Variants in KCTD20 observed in about 807,000 individuals in gnomAD.
KCTD20 encodes the protein BTB/POZ domain-containing protein KCTD20.
A neutral mutation model predicts 39.6 loss-of-function variants in KCTD20; 30 were observed. The ratio of observed to expected loss-of-function variants is 0.76; its 90% CI spans 0.57 to 1.03. The LOEUF is 1.03. Among genes scored for constraint, KCTD20 ranks in the 50% least tolerant of loss-of-function variants. KCTD20 has a pLI of 0.00. For missense variants in KCTD20, 422 were observed against 522.0 expected (o/e 0.81, Z 1.87); for synonymous variants, 162 against 180.6 (o/e 0.90, Z 0.83).
At position 36,481,713 on chromosome 6, in the gene KCTD20, C is replaced by T. The variant is rs1776256709; in HGVS notation, c.810C>T (p.Asp270=). The stretch of plus-strand genomic sequence containing the variant: ...TGCTGACGGATGAGGATTCTGTGGA[C>T]TGGGATGAAGACCACCCTCCACCAA... ...IVVLTDEDSV[D]WDEDHPPPMG... Residue 270 remains aspartate (D), a synonymous_variant, in exon 6 of 8, where the codon GAC becomes GAT. Coordinates refer to ENST00000373731, the MANE Select transcript of KCTD20 (RefSeq NM_173562.5). 6.2e-7 allele frequency: 1 copy of T among 1,614,076 alleles called. No homozygotes were observed. The highest frequency in any genetic ancestry group is 8.5e-7 in the Non-Finnish European group (1 of 1,180,048).
intron 1 of KCTD20, among the ~76,000 whole-genome samples, chr6:36,450,162 CTAAAAAAAAAAA>C (rs772731661): frequency 1.1e-4 from 5 of 44,078 alleles, no homozygotes; most frequent in Non-Finnish European, 1.1e-4. Flanking sequence ...AGACTCCGTC[CTAAAAAAAAAAA>C]AAAAAAAAAA....
intron 1 of KCTD20, among the ~76,000 whole-genome samples, chr6:36,463,221 A>C (rs1775650553): frequency 6.6e-6 from 1 of 152,128 alleles, no homozygotes; most frequent in Admixed American, 6.6e-5. Context: ...TCTTGCCTGG[A>C]ATGCCCTTTT....
chr6:36,455,215 C>T (rs1411397197), intron 1 of KCTD20, among the ~76,000 whole-genome samples: 1 of 151,994 alleles, frequency 6.6e-6, no homozygotes, highest in African/African-American at 2.4e-5. Flanking sequence ...TGAGACCAGC[C>T]TGGCCAACAC....
At chr6:36,468,002 G>A (rs990244780) in intron 1 of KCTD20, among the ~76,000 whole-genome samples, 2 of 152,102 alleles carry the variant, frequency 1.3e-5, no homozygotes, top group Non-Finnish European at 2.9e-5. Context: ...AGTCTGAAAG[G>A]ATTCATCCAA....
chr6:36,486,905 A>C lies in KCTD20; in HGVS notation c.990A>C (p.Lys330Asn). 1 of 1,612,870 alleles carries C rather than the reference A, an allele frequency of 6.2e-7. No individual in the cohort carries two copies. Among genetic ancestry groups the C allele is most frequent in the South Asian group, 1.1e-5 (1 of 90,900 alleles). ...CAGGTTACCCTACCTGTAAAGAAAA[A>C]ATTAAGAGAAGGCCTGGCGGCCGGT... ...GIEGYPTCKE[K>N]IKRRPGGRSE... Residue 330 changes from lysine (K) to asparagine (N), a missense_variant, in exon 8 of 8, where the codon AAA becomes AAC. Lys to Asn is a moderately conservative substitution (Grantham distance 94). Coordinates refer to ENST00000373731, the MANE Select transcript of KCTD20 (RefSeq NM_173562.5).
intron 5 of KCTD20, among the ~76,000 whole-genome samples, chr6:36,480,164 G>C (rs1478062012): frequency 6.6e-6 from 1 of 152,168 alleles, no homozygotes; most frequent in Non-Finnish European, 1.5e-5. Context: ...GCAGAGATGT[G>C]ATACTAACTA....
At chr6:36,480,347 G>C (rs1367293379) in intron 5 of KCTD20, among the ~76,000 whole-genome samples, 2 of 151,194 alleles carry the variant, frequency 1.3e-5, no homozygotes, top group Non-Finnish European at 2.9e-5. Flanking sequence ...CCAACATGAG[G>C]AACAGTTCAC....
rs765194359 is a variant in KCTD20, at chr6:36,481,757, A to G, written c.854A>G (p.Gln285Arg). Residue 285 changes from glutamine to arginine, a missense_variant and splice_region_variant, in exon 6 of 8, where the codon CAA (glutamine) becomes CGA (arginine). Physicochemically the swap from Gln to Arg is conservative, Grantham distance 43. Coordinates refer to ENST00000373731, the MANE Select transcript of KCTD20 (RefSeq NM_173562.5). ...HPPPMGEEYS[Q>R]ILYSSKLYRF... ...CCACCAATGGGGGAGGAATATTCCC[A>G]AAGTAGGAGCTTCTGGCATGGCGTA... is the stretch of plus-strand genomic sequence containing the variant. 3.1e-6 allele frequency: 5 copies of G among 1,613,932 alleles called. No homozygotes were observed. The South Asian group carries it at 3.3e-5, about 11-fold the overall frequency.
intron 3 of KCTD20, among the ~76,000 whole-genome samples, chr6:36,477,496 T>C (rs1426752943): frequency 6.7e-6 from 1 of 150,210 alleles, no homozygotes; most frequent in Non-Finnish European, 1.5e-5. Context: ...TTTTTTTTTT[T>C]TTGAGACGGA....
Position 36,446,216 on chromosome 6 carries a change from C to T in KCTD20, c.-47+3105C>T, listed in dbSNP as rs148957235. Among the ~76,000 whole-genome samples the T allele has an allele frequency of 3.9e-3, 597 of 151,800 alleles. 5 individuals carry two copies. The highest frequency in any genetic ancestry group is 0.013 in the African/African-American group (544 of 41,360). ...TAATTTTTTGTATTTTTAGTTGGGA[C>T]GGGATTTCACCATGTTGGTCAGGCT... On this transcript the variant is annotated intron_variant, in intron 1 of 7. Transcript: ENST00000373731.
At position 36,487,209 on chromosome 6, in the gene KCTD20, A is replaced by G. The variant is rs768842843; in HGVS notation, c.*34A>G. 6.3e-7 allele frequency: 1 copy of G among 1,584,820 alleles called. No homozygotes were observed. The highest frequency in any genetic ancestry group is 1.7e-5 in the Admixed American group (1 of 57,912). ...GTGGGTCTACTCCTTGTTGGAGCCC[A>G]TCTCACCTGGGATGCCTGCAGCCAG... On this transcript the variant is annotated 3_prime_UTR_variant, in exon 8 of 8. Transcript: ENST00000373731.
chr6:36,475,022 C>A lies in KCTD20; in HGVS notation c.394C>A (p.Pro132Thr). 1.9e-6 allele frequency: 3 copies of A among 1,614,070 alleles called. No homozygotes were observed. Among genetic ancestry groups the A allele is most frequent in the Non-Finnish European group, 1.7e-6 (2 of 1,179,988 alleles). ...LVDGTRFVVNPQIFTAHPDTM... is the reference protein window; with the variant it reads ...LVDGTRFVVNTQIFTAHPDTM... ...AGATGGCACACGTTTTGTTGTGAAT[C>A]CACAGATTTTCACTGCTCATCCGGA... Residue 132 changes from proline (P) to threonine (T), a missense_variant, in exon 3 of 8, where the codon CCA (proline) becomes ACA (threonine). Pro to Thr is a conservative substitution (Grantham distance 38). Coordinates refer to ENST00000373731, the MANE Select transcript of KCTD20 (RefSeq NM_173562.5).
At chr6:36,445,377 G>T (rs1472877183) in intron 1 of KCTD20, among the ~76,000 whole-genome samples, 1 of 152,026 alleles carries the variant, frequency 6.6e-6, no homozygotes, top group Non-Finnish European at 1.5e-5. Context: ...GTAGAGATGA[G>T]GTTAGAATTA....
At chr6:36,467,595 C>CG (rs1775799560) in intron 1 of KCTD20, among the ~76,000 whole-genome samples, 5 of 151,678 alleles carry the variant, frequency 3.3e-5, no homozygotes, top group Admixed American at 2.6e-4. Context: ...CCCAGCCTCC[C>CG]AGAGTGCTGG....
At chr6:36,474,092 A>G (rs567398394) in intron 2 of KCTD20, among the ~76,000 whole-genome samples, 1 of 152,100 alleles carries the variant, frequency 6.6e-6, no homozygotes, top group African/African-American at 2.4e-5. Flanking sequence ...GTTTTGTTTT[A>G]TTATAAGTTT....
At position 36,479,779 on chromosome 6, in the gene KCTD20, ATTTTTTTTTTTTTTTT is replaced by A. The variant is rs58609674; in HGVS notation, c.658+83_658+98del. The stretch of plus-strand genomic sequence containing the variant: ...CTTTCAGTTTTCTTGGAAGTCACCG[ATTTTTTTTTTTTTTTT>A]TTTTTTTTTTTTTTGAGACAGAGTC... On this transcript the variant is annotated intron_variant, in intron 5 of 7. Coordinates refer to ENST00000373731, the MANE Select transcript of KCTD20 (RefSeq NM_173562.5). 6.3e-5 allele frequency: 17 copies of A among 268,378 alleles called. No homozygotes were observed. The East Asian group carries it at 9.2e-4, about 15-fold the overall frequency. The allele number at this position is 268,378 out of a possible 1,614,324, so 16.6% of individuals were successfully genotyped here.
rs192458150 is a variant in KCTD20 at position 36,456,008 on chromosome 6, C to A, written c.-47+12897C>A. On this transcript the variant is annotated intron_variant, in intron 1 of 7. Transcript: ENST00000373731. ...CCATCACATCTTCTCTGTAGGAATT[C>A]ACTTCTTGAGTCTTGGCCACTTCAC... 7.9e-5 allele frequency among the ~76,000 whole-genome samples: 12 copies of A among 152,340 alleles called. No homozygotes were observed. In the East Asian group the frequency reaches 2.3e-3, roughly 29 times the overall value.
chr6:36,474,839 A>G lies in KCTD20; in HGVS notation c.211A>G (p.Ile71Val). ...SQPANLQFPH[I>V]MPLAEDIKGS... ...GCCAGCAAATCTTCAGTTCCCTCACATAATGCCCCTTGCTGAAGACATCAA... is the reference window on the plus strand; with the variant it reads ...GCCAGCAAATCTTCAGTTCCCTCACGTAATGCCCCTTGCTGAAGACATCAA... The change falls in exon 3 of 8, where the codon ATA (isoleucine) becomes GTA (valine). Residue 71 changes from isoleucine to valine, a missense_variant. Coordinates refer to ENST00000373731, the MANE Select transcript of KCTD20 (RefSeq NM_173562.5). 1.9e-6 allele frequency: 3 copies of G among 1,614,116 alleles called. No homozygotes were observed. Among genetic ancestry groups the G allele is most frequent in the Non-Finnish European group, 2.5e-6 (3 of 1,179,976 alleles).
chr6:36,475,920 C>G (rs1776049261), intron 3 of KCTD20, among the ~76,000 whole-genome samples: 1 of 152,166 alleles, frequency 6.6e-6, no homozygotes, highest in South Asian at 2.1e-4. Context: ...GAAATGGAAT[C>G]TTTAAATAGA....
Sources: gnomAD v4.1 joint callset for allele counts (sites outside exome capture counted in the v4.1 genomes callset) on GRCh38, gnomAD v4.1.1 for gene constraint, MANE v1.5 for transcripts, NCBI Gene and HGNC (gene_info 2026-07-23, HGNC 2026-07-21) for gene names.